RPS6KA5: variants seen among roughly 807,000 people sequenced by gnomAD.
RPS6KA5 encodes ribosomal protein S6 kinase alpha-5.
RPS6KA5 carries 27 observed loss-of-function variants against 85.5 expected under a neutral mutation model. That is an observed-to-expected ratio of 0.32 (90% CI 0.23 to 0.44). The LOEUF (loss-of-function observed/expected upper bound fraction) is 0.44. Ranked by LOEUF, RPS6KA5 falls within the 20% of genes least tolerant of loss-of-function variation. The pLI is 1.00. For synonymous variants in RPS6KA5, 334 were observed against 348.2 expected (o/e 0.96, Z 0.46); for missense variants, 811 against 980.9 (o/e 0.83, Z 2.31).
At chr14:91,047,569 C>A (rs1036072751) in intron 1 of RPS6KA5, among the ~76,000 whole-genome samples, 7 of 152,220 alleles carry the variant, frequency 4.6e-5, no homozygotes, top group African/African-American at 4.8e-5. Context: ...TCTGTTATCA[C>A]CCTTAGTCAC....
chr14:90,854,209 G>A lies in RPS6KA5; in HGVS notation c.*17865C>T, dbSNP rs2140099670. 8.0e-6 allele frequency: 1 copy of A among 125,352 alleles called. No individual in the cohort carries two copies. Among genetic ancestry groups the A allele is most frequent in the East Asian group, 2.0e-4 (1 of 5,014 alleles). 7.8% of individuals were successfully genotyped at this position (125,352 alleles called of 1,614,324 possible). ...GCCTGATGTATGAAGATTTGACATT[G>A]TAATTTATAATTCCTAAGTAATTAT... On this transcript the variant is annotated 3_prime_UTR_variant, in exon 17 of 17. Transcript: ENST00000614987.
intron 14 of RPS6KA5, among the ~76,000 whole-genome samples, chr14:90,887,466 A>G (rs1052982812): frequency 1.3e-5 from 2 of 152,136 alleles, no homozygotes; most frequent in African/African-American, 4.8e-5. Context: ...CTGGGATTAC[A>G]GACTGTGTCT....
chr14:91,035,637 C>T (rs939822040), intron 1 of RPS6KA5, among the ~76,000 whole-genome samples: 6 of 151,710 alleles, frequency 4.0e-5, no homozygotes, highest in African/African-American at 1.5e-4. Flanking sequence ...AAGGATCCAA[C>T]AGAAATGAAG....
At chr14:90,932,064 T>C (rs529134280) in intron 5 of RPS6KA5, among the ~76,000 whole-genome samples, 3 of 152,306 alleles carry the variant, frequency 2.0e-5, no homozygotes, top group Admixed American at 2.0e-4. Context: ...CAGCTACACA[T>C]TGTTGGAGAA....
intron 14 of RPS6KA5, among the ~76,000 whole-genome samples, chr14:90,883,788 GTGTT>G (rs939149829): frequency 6.6e-6 from 1 of 152,032 alleles, no homozygotes; most frequent in Non-Finnish European, 1.5e-5. Context: ...TGCTTTTTTT[GTGTT>G]TGTTTTTGTT....
chr14:91,020,824 C>T (rs1200080405), intron 1 of RPS6KA5, among the ~76,000 whole-genome samples: 1 of 151,980 alleles, frequency 6.6e-6, no homozygotes, highest in Non-Finnish European at 1.5e-5. Context: ...CTGGAAGTTT[C>T]TCAATTTCTG....
rs916431901 is a variant in RPS6KA5 at position 90,853,241 on chromosome 14, A to G, written c.*18833T>C. The G allele has an allele frequency of 1.6e-4, 25 of 152,216 alleles. No individual in the cohort carries two copies. Among genetic ancestry groups the G allele is most frequent in the African/African-American group, 6.0e-4 (25 of 41,458 alleles). 9.4% of individuals were successfully genotyped at this position (152,216 alleles called of 1,614,324 possible). A position where few individuals can be genotyped will look rare whatever the true frequency, so the allele number is the denominator to read the frequency against. ...CAACTTTATAAGGGATGAAGATGTCATAATGATATTTTCCACTGTAGAAAC... is the reference window on the plus strand; with the variant it reads ...CAACTTTATAAGGGATGAAGATGTCGTAATGATATTTTCCACTGTAGAAAC... On this transcript the variant is annotated 3_prime_UTR_variant, in exon 17 of 17. Coordinates refer to ENST00000614987, the MANE Select transcript of RPS6KA5 (RefSeq NM_004755.4).
chr14:91,044,420 A>G (rs148218557), intron 1 of RPS6KA5, among the ~76,000 whole-genome samples: 3 of 126,152 alleles, frequency 2.4e-5, no homozygotes, highest in African/African-American at 8.6e-5. Flanking sequence ...AAAGAAAGAA[A>G]GAAAGAAAGA....
intron 5 of RPS6KA5, among the ~76,000 whole-genome samples, chr14:90,930,437 T>C (rs1321689758): frequency 2.0e-5 from 3 of 152,148 alleles, no homozygotes; most frequent in African/African-American, 7.2e-5. Flanking sequence ...GTAAAAATCC[T>C]GGAAGAAAAT....
intron 2 of RPS6KA5, among the ~76,000 whole-genome samples, chr14:91,000,675 G>A (rs1047585526): frequency 4.6e-5 from 7 of 152,028 alleles, no homozygotes; most frequent in African/African-American, 1.5e-4. Flanking sequence ...GGTAGAAGGC[G>A]CCTGTAATCC....
At chr14:90,951,224 C>T (rs1184353472) in intron 3 of RPS6KA5, among the ~76,000 whole-genome samples, 2 of 151,934 alleles carry the variant, frequency 1.3e-5, no homozygotes, top group Non-Finnish European at 2.9e-5. Context: ...TGGCTCACAC[C>T]TGTAATCCCA....
At position 90,857,449 on chromosome 14, in the gene RPS6KA5, A is replaced by T. The variant is rs1432009497; in HGVS notation, c.*14625T>A. Reference sequence around the variant, plus strand: ...TGATTCTTCATCAGATTTCATGTCGATATTCATAAAGAGACATAATTTCAG... The same window carrying T: ...TGATTCTTCATCAGATTTCATGTCGTTATTCATAAAGAGACATAATTTCAG... On this transcript the variant is annotated 3_prime_UTR_variant, in exon 17 of 17. Coordinates refer to ENST00000614987, the MANE Select transcript of RPS6KA5 (RefSeq NM_004755.4). 4 of 152,198 alleles carry T rather than the reference A, an allele frequency of 2.6e-5. No homozygotes were observed. The highest frequency in any genetic ancestry group is 9.6e-5 in the African/African-American group (4 of 41,454). 9.4% of individuals were successfully genotyped at this position (152,198 alleles called of 1,614,324 possible).
chr14:90,976,706 A>C (rs1028221797), intron 3 of RPS6KA5, among the ~76,000 whole-genome samples: 1 of 152,202 alleles, frequency 6.6e-6, no homozygotes, highest in African/African-American at 2.4e-5. Flanking sequence ...ATATTGACTC[A>C]CTGGAACAAT....
chr14:90,955,693 T>C (rs912015062), intron 3 of RPS6KA5, among the ~76,000 whole-genome samples: 1 of 152,208 alleles, frequency 6.6e-6, no homozygotes, highest in African/African-American at 2.4e-5. Flanking sequence ...ATGTTGCATC[T>C]GTATATATAT....
In RPS6KA5 at chr14:91,035,847, C is replaced by CAAAAAAAAAAAAAAAAAAAAAAA. The variant is rs199625173; in HGVS notation, c.103+24462_103+24484dup. On this transcript the variant is annotated intron_variant, in intron 1 of 16. Coordinates refer to ENST00000614987, the MANE Select transcript of RPS6KA5 (RefSeq NM_004755.4). ...TTTCAGCTGATGAAACCCTCACCTT[C>CAAAAAAAAAAAAAAAAAAAAAAA]AAAAAAAAAAAAAAAAAAAAAAAAA... Among the ~76,000 whole-genome samples, 5 of 69,906 alleles carry CAAAAAAAAAAAAAAAAAAAAAAA rather than the reference C, an allele frequency of 7.2e-5. 1 individual carries two copies. Among genetic ancestry groups the CAAAAAAAAAAAAAAAAAAAAAAA allele is most frequent in the African/African-American group, 1.3e-4 (2 of 14,890 alleles). The allele number at this position is 69,906 out of a possible 152,430, so 45.9% of individuals were successfully genotyped here.
At chr14:91,048,560 T>C (rs1350016252) in intron 1 of RPS6KA5, among the ~76,000 whole-genome samples, 1 of 152,198 alleles carries the variant, frequency 6.6e-6, no homozygotes, top group African/African-American at 2.4e-5. Flanking sequence ...TAGGAGTATA[T>C]AAAATAGAAC....
chr14:91,046,260 G>A (rs1038753850), intron 1 of RPS6KA5, among the ~76,000 whole-genome samples: 1 of 152,156 alleles, frequency 6.6e-6, no homozygotes, highest in African/African-American at 2.4e-5. Context: ...CACACAGTAG[G>A]AATTCAATAA....
In RPS6KA5 at chr14:91,059,572, A is replaced by G. The variant is rs1276077242; in HGVS notation, c.103+760T>C. ...ATGAACAACCTGAACCTACACCACG[A>G]ATACATTTAATTAGTTATAAAGCTT... On this transcript the variant is annotated intron_variant, in intron 1 of 16. Coordinates refer to ENST00000614987, the MANE Select transcript of RPS6KA5 (RefSeq NM_004755.4). Among the ~76,000 whole-genome samples the G allele has an allele frequency of 3.3e-5, 5 of 152,198 alleles. No individual in the cohort carries two copies. In the East Asian group the frequency reaches 9.6e-4, roughly 29 times the overall value.
chr14:91,037,432 T>C (rs966016140), intron 1 of RPS6KA5, among the ~76,000 whole-genome samples: 5 of 152,198 alleles, frequency 3.3e-5, no homozygotes, highest in African/African-American at 9.6e-5. Flanking sequence ...TCCAAAATCC[T>C]ATCATTGCTA....
Sources: allele counts gnomAD v4.1 joint callset (sites outside exome capture counted in the v4.1 genomes callset), GRCh38; gene constraint gnomAD v4.1.1; transcripts MANE v1.5; gene names NCBI Gene and HGNC (gene_info 2026-07-23, HGNC 2026-07-21).